Variants in SYT9 observed in about 807,000 individuals in gnomAD.
SYT9 encodes the protein synaptotagmin 9.
SYT9 carries 22 observed loss-of-function variants against 48.4 expected under a neutral mutation model. That is an observed-to-expected ratio of 0.45 (90% confidence interval 0.32 to 0.65). The LOEUF is 0.65. Ranked by LOEUF, SYT9 falls within the 30% of genes least tolerant of loss-of-function variation. The pLI, the probability that SYT9 is intolerant of heterozygous loss-of-function variation, is 0.03. For synonymous variants in SYT9, 265 were observed against 245.0 expected (o/e 1.08, Z -0.76); for missense variants, 577 against 622.0 (o/e 0.93, Z 0.77).
At chr11:7,386,632 A>C (rs1420319861) in intron 3 of SYT9, among the ~76,000 whole-genome samples, 1 of 152,224 alleles carries the variant, frequency 6.6e-6, no homozygotes, top group Admixed American at 6.5e-5. Flanking sequence ...GGCGATCATT[A>C]AAATGTCAGG....
chr11:7,277,338 G>T (rs867722798), intron 1 of SYT9, among the ~76,000 whole-genome samples: 35 of 152,152 alleles, frequency 2.3e-4, no homozygotes, highest in African/African-American at 8.4e-4. Flanking sequence ...AAATATTAGT[G>T]TAATCTGCAA....
intron 2 of SYT9, among the ~76,000 whole-genome samples, chr11:7,310,159 A>T (rs1849105574): frequency 6.6e-6 from 1 of 151,996 alleles, no homozygotes; most frequent in Non-Finnish European, 1.5e-5. Flanking sequence ...TTTGAGATGG[A>T]GTCTTTCTCT....
At chr11:7,314,696 A>C (rs1169535824) in intron 3 of SYT9, among the ~76,000 whole-genome samples, 2 of 152,198 alleles carry the variant, frequency 1.3e-5, no homozygotes, top group East Asian at 3.8e-4. Context: ...CAGAAATAGA[A>C]AGGAAAATTG....
chr11:7,334,554 A>G (rs1023734478), intron 3 of SYT9, among the ~76,000 whole-genome samples: 2 of 152,178 alleles, frequency 1.3e-5, no homozygotes, highest in African/African-American at 4.8e-5. Context: ...GAAACCATTT[A>G]CCATAGTCAA....
chr11:7,289,516 T>TA (rs1254957656), intron 1 of SYT9, among the ~76,000 whole-genome samples: 1 of 152,168 alleles, frequency 6.6e-6, no homozygotes, highest in African/African-American at 2.4e-5. Flanking sequence ...AAAACATGAA[T>TA]AAAAAACTCT....
intron 1 of SYT9, among the ~76,000 whole-genome samples, chr11:7,243,235 A>G (rs1911623): frequency 0.028 from 4,214 of 152,326 alleles, 127 homozygotes; most frequent in East Asian, 0.12. Flanking sequence ...GAAAGCTTAA[A>G]TATGGAAATT....
intron 3 of SYT9, among the ~76,000 whole-genome samples, chr11:7,412,115 C>A (rs1294388778): frequency 6.6e-6 from 1 of 152,034 alleles, no homozygotes; most frequent in Non-Finnish European, 1.5e-5. Context: ...TATTGTTTTT[C>A]AAAATTATCT....
intron 3 of SYT9, among the ~76,000 whole-genome samples, chr11:7,384,229 T>C (rs1197596408): frequency 3.9e-5 from 6 of 152,178 alleles, no homozygotes; most frequent in African/African-American, 1.4e-4. Context: ...GGTTACATTC[T>C]TTTTTCCTCC....
rs182649553 is a variant in SYT9, at chr11:7,313,321, T to G, written c.498-74T>G. ...GACAAAATATAACAGTCTACCTACA[T>G]CCCAGGCAAAAGTTTCTGAGAGACC... On this transcript the variant is annotated intron_variant, in intron 2 of 6. Coordinates refer to ENST00000318881, the MANE Select transcript of SYT9 (RefSeq NM_175733.4). 1.3e-4 allele frequency: 191 copies of G among 1,471,064 alleles called. No individual in the cohort carries two copies. The South Asian group carries it at 1.4e-3, about 11-fold the overall frequency. The allele number at this position is 1,471,064 out of a possible 1,614,324, so 91.1% of individuals were successfully genotyped here.
intron 3 of SYT9, among the ~76,000 whole-genome samples, chr11:7,376,000 G>T (rs1246287117): frequency 1.3e-5 from 2 of 151,944 alleles, no homozygotes; most frequent in African/African-American, 4.8e-5. Context: ...ATTTCTTTCT[G>T]CTGGGTGCTG....
intron 1 of SYT9, among the ~76,000 whole-genome samples, chr11:7,291,718 C>G (rs1343082494): frequency 6.6e-6 from 1 of 152,076 alleles, no homozygotes. Context: ...CCTCGTGTAA[C>G]TCTCTTCATG....
chr11:7,400,722 A>G (rs915437413), intron 3 of SYT9, among the ~76,000 whole-genome samples: 6 of 152,324 alleles, frequency 3.9e-5, no homozygotes, highest in Admixed American at 3.9e-4. Flanking sequence ...TCTGGAGAAG[A>G]TATTTTTAAA....
intron 3 of SYT9, among the ~76,000 whole-genome samples, chr11:7,341,721 G>T (rs1849716864): frequency 6.6e-6 from 1 of 152,050 alleles, no homozygotes; most frequent in Admixed American, 6.5e-5. Context: ...TCACATATAT[G>T]ATTACATATG....
chr11:7,336,305 T>C (rs929237892), intron 3 of SYT9, among the ~76,000 whole-genome samples: 3 of 152,166 alleles, frequency 2.0e-5, no homozygotes, highest in Admixed American at 6.5e-5. Context: ...GTTTACTCTG[T>C]TGATAGTTTC....
At chr11:7,361,019 A>G (rs1483982856) in intron 3 of SYT9, among the ~76,000 whole-genome samples, 2 of 152,078 alleles carry the variant, frequency 1.3e-5, no homozygotes, top group Admixed American at 6.5e-5. Context: ...ACATTTCTAA[A>G]AGTTCCTAAA....
intron 3 of SYT9, among the ~76,000 whole-genome samples, chr11:7,398,992 G>T (rs1046661119): frequency 2.6e-5 from 4 of 151,918 alleles, no homozygotes. Flanking sequence ...CTCCATATAG[G>T]GCCAAGACAT....
At chr11:7,286,408 G>A (rs36019882) in intron 1 of SYT9, among the ~76,000 whole-genome samples, 38,749 of 152,146 alleles carry the variant, frequency 0.25, 5,903 homozygotes, top group South Asian at 0.39. Flanking sequence ...ACAGCAGGGG[G>A]GGCCCAGGAC....
intron 3 of SYT9, among the ~76,000 whole-genome samples, chr11:7,335,719 G>GTA (rs1484353710): frequency 1.3e-5 from 2 of 152,028 alleles, no homozygotes; most frequent in Non-Finnish European, 2.9e-5. Context: ...TGGTATATAT[G>GTA]TACCACATTT....
intron 1 of SYT9, among the ~76,000 whole-genome samples, chr11:7,297,059 G>GGT (rs151226620): frequency 1.5e-3 from 229 of 148,116 alleles, no homozygotes; most frequent in Middle Eastern, 6.9e-3. Flanking sequence ...TCTGAACCAC[G>GGT]GTGTGTGTGT....
Sources: gnomAD v4.1 joint callset for allele counts (sites outside exome capture counted in the v4.1 genomes callset) on GRCh38, gnomAD v4.1.1 for gene constraint, MANE v1.5 for transcripts, NCBI Gene and HGNC (gene_info 2026-07-23, HGNC 2026-07-21) for gene names.